Variants in ERFL observed in about 807,000 individuals in gnomAD.
ERFL encodes the protein ETS domain-containing transcription factor ERF-like.
ERFL carries 8 observed loss-of-function variants against 27.9 expected under a neutral mutation model. The ratio of observed to expected loss-of-function variants is 0.29; its 90% CI spans 0.17 to 0.52. The LOEUF (loss-of-function observed/expected upper bound fraction) is 0.52. Ranked by LOEUF, ERFL falls within the 20% of genes least tolerant of loss-of-function variation. The pLI is 0.97. For missense variants in ERFL, 294 were observed against 444.4 expected (o/e 0.66, Z 3.04); for synonymous variants, 174 against 202.8 (o/e 0.86, Z 1.21).
chr19:41,918,059 G>A (rs1160281971), intron 1 of ERFL, among the ~76,000 whole-genome samples: 1 of 151,880 alleles, frequency 6.6e-6, no homozygotes, highest in East Asian at 1.9e-4. Context: ...GGGGGTTCAG[G>A]GGTGATGTGG....
intron 1 of ERFL, among the ~76,000 whole-genome samples, chr19:41,919,840 A>G (rs1311468782): frequency 6.6e-6 from 1 of 152,126 alleles, no homozygotes; most frequent in African/African-American, 2.4e-5. Flanking sequence ...CACCATGTGA[A>G]AACACCAGAC....
At chr19:41,912,230 C>A (rs1209129822) in intron 2 of ERFL, among the ~76,000 whole-genome samples, 1 of 152,220 alleles carries the variant, frequency 6.6e-6, no homozygotes, top group African/African-American at 2.4e-5. Context: ...AGTGTGACCC[C>A]TTCTAGAAAC....
Position 41,912,887 on chromosome 19 carries a change from G to A in ERFL, c.33C>T (p.Phe11=). Residue 11 remains phenylalanine (F), a synonymous_variant, in exon 2 of 6, where the codon TTC becomes TTT. Coordinates refer to ENST00000597630, the MANE Select transcript of ERFL (RefSeq NM_001365103.2). MDCSCVSDLL[F]APPALPALWT... ...AGAGAGCCGGCAGGGCGGGCGGGGC[G>A]AAGAGAAGGTCGGAGACGCAGCTAC... The A allele has an allele frequency of 8.1e-7, 1 of 1,231,586 alleles. No individual in the cohort carries two copies. The highest frequency in any genetic ancestry group is 1.0e-6 in the Non-Finnish European group (1 of 987,876). The allele number at this position is 1,231,586 out of a possible 1,614,324, so 76.3% of individuals were successfully genotyped here. A position where few individuals can be genotyped will look rare whatever the true frequency, so the allele number is the denominator to read the frequency against.
intron 1 of ERFL, among the ~76,000 whole-genome samples, chr19:41,926,675 G>T (rs956035304): frequency 1.3e-5 from 2 of 152,118 alleles, no homozygotes; most frequent in Non-Finnish European, 2.9e-5. Flanking sequence ...GAGGCTGCTT[G>T]GCGATGCGGA....
At position 41,908,082 on chromosome 19, in the gene ERFL, TG is replaced by T; in HGVS notation, c.*145del. Reference sequence around the variant, plus strand: ...GGGGGAAGTGAGACCCCCCCCACTCTGGGGCTGGGGAAGGAGACTGGGGCAG... The same window carrying T: ...GGGGGAAGTGAGACCCCCCCCACTCTGGGCTGGGGAAGGAGACTGGGGCAG... On this transcript the variant is annotated 3_prime_UTR_variant, in exon 6 of 6. Coordinates refer to ENST00000597630, the MANE Select transcript of ERFL (RefSeq NM_001365103.2). This position sits in a 1 kb window ranked among gnomAD's most constrained non-coding sequence, Gnocchi z 6.7. The T allele has an allele frequency of 1.8e-6, 1 of 555,816 alleles. No individual in the cohort carries two copies. Among genetic ancestry groups the T allele is most frequent in the Non-Finnish European group, 2.7e-6 (1 of 370,958 alleles). The allele number at this position is 555,816 out of a possible 1,614,324, so 34.4% of individuals were successfully genotyped here.
intron 1 of ERFL, among the ~76,000 whole-genome samples, chr19:41,922,765 G>A (rs1434678021): frequency 6.6e-6 from 1 of 152,186 alleles, no homozygotes; most frequent in African/African-American, 2.4e-5. Flanking sequence ...GGGGCATCAG[G>A]CGCGGTGCTA....
At chr19:41,918,702 C>G (rs1461871949) in intron 1 of ERFL, among the ~76,000 whole-genome samples, 1 of 149,976 alleles carries the variant, frequency 6.7e-6, no homozygotes, top group Non-Finnish European at 1.5e-5. Flanking sequence ...ATATCCGCCA[C>G]ACACCACACA....
chr19:41,909,789 G>GATGC lies in ERFL; in HGVS notation c.302+70_302+73dup. 5 of 1,444,874 alleles carry GATGC rather than the reference G, an allele frequency of 3.5e-6. No individual in the cohort carries two copies. Among genetic ancestry groups the GATGC allele is most frequent in the Non-Finnish European group, 4.6e-6 (5 of 1,075,880 alleles). The allele number at this position is 1,444,874 out of a possible 1,614,324, so 89.5% of individuals were successfully genotyped here. Reference sequence around the variant, plus strand: ...GGGATCCAGCAGGAACCTGCCCCAGGATGCAGAGGGGGCACCAGAGGGACA... The same window carrying GATGC: ...GGGATCCAGCAGGAACCTGCCCCAGGATGCATGCAGAGGGGGCACCAGAGGGACA... On this transcript the variant is annotated intron_variant, in intron 3 of 5. Transcript: ENST00000597630. This position sits in a 1 kb window ranked among gnomAD's most constrained non-coding sequence, Gnocchi z 5.2.
Position 41,910,986 on chromosome 19 carries a change from GAC to G in ERFL, c.68-891_68-890del, listed in dbSNP as rs1486256722. Among the ~76,000 whole-genome samples the G allele has an allele frequency of 6.6e-6, 1 of 152,128 alleles. No individual in the cohort carries two copies. Among genetic ancestry groups the G allele is most frequent in the Non-Finnish European group, 1.5e-5 (1 of 68,030 alleles). ...TACTAACAACACAAATGCCTGACAA[GAC>G]ACACACAGGACCCCAAATGCCCAAA... On this transcript the variant is annotated intron_variant, in intron 2 of 5. Coordinates refer to ENST00000597630, the MANE Select transcript of ERFL (RefSeq NM_001365103.2). This position sits in a 1 kb window ranked among gnomAD's most constrained non-coding sequence, Gnocchi z 4.4.
At chr19:41,923,279 G>C (rs774347307) in intron 1 of ERFL, 1 of 421,888 alleles carries the variant, frequency 2.4e-6, no homozygotes, top group Non-Finnish European at 4.8e-6. Flanking sequence ...TCAGAGGACA[G>C]AGCAAGGGCC....
chr19:41,911,980 C>A (rs1033431712), intron 2 of ERFL, among the ~76,000 whole-genome samples: 4 of 151,970 alleles, frequency 2.6e-5, no homozygotes, highest in Non-Finnish European at 5.9e-5. Flanking sequence ...GCATCCCCCC[C>A]ACAGCCCCAA....
At chr19:41,924,283 T>C (rs2145910585) in intron 1 of ERFL, among the ~76,000 whole-genome samples, 1 of 152,092 alleles carries the variant, frequency 6.6e-6, no homozygotes, top group Admixed American at 6.5e-5. Context: ...GAGGGCAGTC[T>C]CTGAAGTCAG....
Position 41,910,085 on chromosome 19 carries a change from G to A in ERFL, c.80C>T (p.Pro27Leu), listed in dbSNP as rs1261463188. The change falls in exon 3 of 6, where the codon CCG becomes CTG. Residue 27 changes from proline (P) to leucine (L), a missense_variant. Pro to Leu is a moderately conservative substitution (Grantham distance 98, BLOSUM62 -3). Around this residue, in one of 3 missense-constraint regions of ERFL, gnomAD observed 38 missense variants for 35.3 expected, o/e 1.08. Transcript: ENST00000597630. The surrounding 1 kb of genome is among the most constrained non-coding windows in gnomAD (Gnocchi z 4.4). ...TGACTCTGGCTTGTAGGCCCAATCC[G>A]GGAAGGCAAACCCTGGGGACGGGAG... ...PALWTPGFAF[P>L]DWAYKPESSP... The A allele has an allele frequency of 6.8e-6, 11 of 1,612,620 alleles. No individual in the cohort carries two copies. Among genetic ancestry groups the A allele is most frequent in the African/African-American group, 5.3e-5 (4 of 74,878 alleles).
At chr19:41,924,128 G>A (rs1225499260) in intron 1 of ERFL, among the ~76,000 whole-genome samples, 3 of 151,744 alleles carry the variant, frequency 2.0e-5, no homozygotes, top group African/African-American at 7.3e-5. Context: ...GGGTGAGAAA[G>A]TGAGCCTGGA....
In ERFL at chr19:41,909,849, A is replaced by T; in HGVS notation, c.302+14T>A. 6.3e-7 allele frequency: 1 copy of T among 1,598,260 alleles called. No homozygotes were observed. The highest frequency in any genetic ancestry group is 8.5e-7 in the Non-Finnish European group (1 of 1,171,398). The stretch of plus-strand genomic sequence containing the variant: ...AAAGGACAAGGTGGGATCCAGCCCC[A>T]AGCCCTTCCTCACCGCAGGGCCCGG... On this transcript the variant is annotated intron_variant, in intron 3 of 5. Coordinates refer to ENST00000597630, the MANE Select transcript of ERFL (RefSeq NM_001365103.2). This position sits in a 1 kb window ranked among gnomAD's most constrained non-coding sequence, Gnocchi z 5.2.
chr19:41,914,857 C>CTT lies in ERFL; in HGVS notation c.-13-1926_-13-1925insAA, dbSNP rs139456833. Among the ~76,000 whole-genome samples the CTT allele has an allele frequency of 5.9e-3, 32 of 5,390 alleles. 13 individuals are homozygous for CTT. The highest frequency in any genetic ancestry group is 0.03 in the African/African-American group (13 of 438). 3.5% of individuals were successfully genotyped at this position (5,390 alleles called of 152,430 possible). A position where few individuals can be genotyped will look rare whatever the true frequency, so the allele number is the denominator to read the frequency against. On this transcript the variant is annotated intron_variant, in intron 1 of 5. Coordinates refer to ENST00000597630, the MANE Select transcript of ERFL (RefSeq NM_001365103.2). Reference sequence around the variant, plus strand: ...TTCCACCGTCTCTGTCTCTCCCCCCCTCCACCATCTCTGTCTCTCCCTCCC... The same window carrying CTT: ...TTCCACCGTCTCTGTCTCTCCCCCCCTTTCCACCATCTCTGTCTCTCCCTCCC...
intron 1 of ERFL, among the ~76,000 whole-genome samples, chr19:41,925,248 A>G (rs986330780): frequency 3.9e-5 from 6 of 152,168 alleles, no homozygotes; most frequent in Middle Eastern, 6.8e-3. Flanking sequence ...ACAGGTGAGG[A>G]ATGGCAGGTG....
At chr19:41,911,927 C>A (rs780232180) in intron 2 of ERFL, among the ~76,000 whole-genome samples, 2 of 151,926 alleles carry the variant, frequency 1.3e-5, no homozygotes, top group East Asian at 1.9e-4. Flanking sequence ...ATGGACCCTA[C>A]GCTGAAAACC....
At chr19:41,915,293 G>A (rs780928874) in intron 1 of ERFL, among the ~76,000 whole-genome samples, 15 of 151,434 alleles carry the variant, frequency 9.9e-5, no homozygotes, top group South Asian at 2.1e-4. Context: ...TGTCTCACAC[G>A]CGTCTCTGCC....
Sources: allele counts gnomAD v4.1 joint callset (sites outside exome capture counted in the v4.1 genomes callset), GRCh38; gene constraint gnomAD v4.1.1; regional missense constraint gnomAD v4.1.1; non-coding constraint Gnocchi (gnomAD v3.1); transcripts MANE v1.5; gene names NCBI Gene and HGNC (gene_info 2026-07-23, HGNC 2026-07-21).